The following ELL variants were observed in gnomAD, a reference collection of about 807,000 sequenced individuals.
The protein encoded by ELL is RNA polymerase II elongation factor ELL.
ELL carries 18 observed loss-of-function variants against 64.0 expected under a neutral mutation model. That is an observed-to-expected ratio of 0.28 (90% CI 0.19 to 0.42). The LOEUF (loss-of-function observed/expected upper bound fraction) is 0.42. Among genes scored for constraint, ELL ranks in the 10% least tolerant of loss-of-function variants. ELL has a pLI of 1.00. For synonymous variants in ELL, 399 were observed against 376.2 expected (o/e 1.06, Z -0.70); for missense variants, 797 against 870.4 (o/e 0.92, Z 1.06).
intron 6 of ELL, 54 bp from the exon 7 acceptor site, chr19:18,451,702 C>A (rs979635036): frequency 4.9e-5 from 69 of 1,408,432 alleles, no homozygotes; most frequent in Non-Finnish European, 6.4e-5. Context: ...CCTAGGGGCC[C>A]CAGGCCTGTA....
intron 2 of ELL, chr19:18,471,014 C>T (rs987165516): frequency 4.4e-6 from 2 of 456,396 alleles, no homozygotes; most frequent in African/African-American, 4.0e-5. Context: ...ATCCCCACAT[C>T]CAGCTGTGCA....
intron 8 of ELL, 100 bp from the exon 9 acceptor site, chr19:18,446,914 T>G (rs1215387053): frequency 7.7e-7 from 1 of 1,292,824 alleles, no homozygotes; most frequent in African/African-American, 1.5e-5. Context: ...TACACTTTGC[T>G]GCTGGAGGGA....
In ELL at chr19:18,443,942, G is replaced by A; in HGVS notation, c.*810C>T. 4.3e-6 allele frequency: 1 copy of A among 232,590 alleles called. No individual in the cohort carries two copies. Among genetic ancestry groups the A allele is most frequent in the Middle Eastern group, 1.3e-3 (1 of 774 alleles). 14.4% of individuals were successfully genotyped at this position (232,590 alleles called of 1,614,324 possible). ...CAACAAATGGGAAACCGAGGACATC[G>A]CAAAGAAAAGTCTGACGCCGCTGCG... On this transcript the variant is annotated 3_prime_UTR_variant, in exon 12 of 12. Coordinates refer to ENST00000262809, the MANE Select transcript of ELL (RefSeq NM_006532.4).
intron 6 of ELL, among the ~76,000 whole-genome samples, chr19:18,457,736 G>A (rs1974712028): frequency 6.6e-6 from 1 of 152,178 alleles, no homozygotes; most frequent in Non-Finnish European, 1.5e-5. Context: ...TTAGCCTGAG[G>A]GGATGCATTT....
chr19:18,517,423 G>A (rs1447368899), intron 1 of ELL, among the ~76,000 whole-genome samples: 4 of 151,772 alleles, frequency 2.6e-5, no homozygotes, highest in African/African-American at 9.7e-5. Flanking sequence ...TAATTTTTTT[G>A]TATTTTTAGT....
At chr19:18,517,600 C>A (rs1769652754) in intron 1 of ELL, among the ~76,000 whole-genome samples, 1 of 152,064 alleles carries the variant, frequency 6.6e-6, no homozygotes, top group African/African-American at 2.4e-5. Flanking sequence ...GTAGTTCATG[C>A]CTGTAAGCCC....
chr19:18,463,566 C>T (rs566730530), intron 4 of ELL, among the ~76,000 whole-genome samples: 1 of 152,146 alleles, frequency 6.6e-6, no homozygotes, highest in African/African-American at 2.4e-5. Flanking sequence ...AACTCCTGAC[C>T]TTGTGATCTC....
intron 1 of ELL, among the ~76,000 whole-genome samples, chr19:18,478,200 C>T (rs1390559995): frequency 6.6e-6 from 1 of 152,220 alleles, no homozygotes; most frequent in Non-Finnish European, 1.5e-5. Flanking sequence ...TGCGTGGTGT[C>T]ATGGCCGAAC....
chr19:18,454,597 T>C (rs906891219), intron 6 of ELL, among the ~76,000 whole-genome samples: 3 of 151,976 alleles, frequency 2.0e-5, no homozygotes, highest in African/African-American at 7.3e-5. Flanking sequence ...TCCCAGTACT[T>C]TGGGAGGCTG....
intron 1 of ELL, among the ~76,000 whole-genome samples, chr19:18,495,013 C>T (rs1975617738): frequency 6.6e-6 from 1 of 152,242 alleles, no homozygotes; most frequent in African/African-American, 2.4e-5. Context: ...CTAACTCAAT[C>T]AAGGTGTGGG....
chr19:18,457,508 C>T (rs1454833956), intron 6 of ELL, among the ~76,000 whole-genome samples: 1 of 152,248 alleles, frequency 6.6e-6, no homozygotes, highest in Non-Finnish European at 1.5e-5. Flanking sequence ...TTTCCAGAGG[C>T]AATTACTGCT....
intron 3 of ELL, 69 bp downstream of exon 3, chr19:18,465,728 C>A: frequency 7.0e-7 from 1 of 1,437,250 alleles, no homozygotes; most frequent in South Asian, 1.6e-5. Context: ...CACATCTCAA[C>A]CCTGGGCCAG....
At chr19:18,469,654 C>T (rs535962093) in intron 2 of ELL, among the ~76,000 whole-genome samples, 11 of 152,342 alleles carry the variant, frequency 7.2e-5, no homozygotes, top group Admixed American at 6.5e-4. Context: ...AACCTAAGCA[C>T]TAGTCCATGC....
At chr19:18,467,791 A>C (rs1600454233) in intron 2 of ELL, among the ~76,000 whole-genome samples, 1 of 68,708 alleles carries the variant, frequency 1.5e-5, no homozygotes, top group African/African-American at 6.3e-5. Flanking sequence ...ACCCCCCACA[A>C]CCACACAATC....
In ELL at chr19:18,522,070, T is replaced by C. The variant is rs199560334; in HGVS notation, c.-15A>G. ...AGCGCCGCCATCTTGCGACCATCTC[T>C]CCCCCGCGCCCCCTTCCCGGCTCCA... On this transcript the variant is annotated 5_prime_UTR_variant, in exon 1 of 12. Coordinates refer to ENST00000262809, the MANE Select transcript of ELL (RefSeq NM_006532.4). The C allele has an allele frequency of 5.1e-6, 8 of 1,580,010 alleles. No individual in the cohort carries two copies. In the African/African-American group the frequency reaches 7.0e-5, roughly 14 times the overall value.
intron 1 of ELL, among the ~76,000 whole-genome samples, chr19:18,479,324 A>G (rs951434176): frequency 6.6e-6 from 1 of 152,236 alleles, no homozygotes; most frequent in African/African-American, 2.4e-5. Flanking sequence ...CGACCATCAG[A>G]GCAGAAAGCA....
At chr19:18,479,307 C>T (rs1365711987) in intron 1 of ELL, among the ~76,000 whole-genome samples, 4 of 152,126 alleles carry the variant, frequency 2.6e-5, no homozygotes, top group African/African-American at 4.8e-5. Flanking sequence ...GACCCTGCCA[C>T]GGGAAGCGAC....
intron 6 of ELL, among the ~76,000 whole-genome samples, chr19:18,452,970 G>C (rs910924147): frequency 6.6e-6 from 1 of 152,210 alleles, no homozygotes. Flanking sequence ...AGATGAAAAC[G>C]TTAAAAAATA....
intron 6 of ELL, among the ~76,000 whole-genome samples, chr19:18,451,927 G>A (rs1410021364): frequency 6.6e-6 from 1 of 152,224 alleles, no homozygotes; most frequent in Non-Finnish European, 1.5e-5. Context: ...ACACACGCTA[G>A]GGTGCTGGAC....
Sources: gnomAD v4.1 joint callset for allele counts (sites outside exome capture counted in the v4.1 genomes callset) on GRCh38, gnomAD v4.1.1 for gene constraint, MANE v1.5 for transcripts, NCBI Gene and HGNC (gene_info 2026-07-23, HGNC 2026-07-21) for gene names.